The following FNDC3A variants were observed in gnomAD, a reference collection of about 807,000 sequenced individuals.
FNDC3A encodes fibronectin type III domain containing 3A.
Under a neutral mutation model 148.9 loss-of-function variants are expected in FNDC3A, and 32 were observed. The ratio of observed to expected loss-of-function variants is 0.21; its 90% CI spans 0.16 to 0.29. The LOEUF (loss-of-function observed/expected upper bound fraction) is 0.29. FNDC3A is among the 10% of genes least tolerant of loss of function. The pLI, the probability that FNDC3A is intolerant of heterozygous loss-of-function variation, is 1.00. For synonymous variants in FNDC3A, 472 were observed against 473.6 expected (o/e 1.00, Z 0.04); for missense variants, 1,191 against 1,452.8 (o/e 0.82, Z 2.93).
At chr13:49,178,411 G>C (rs1023035800) in intron 13 of FNDC3A, among the ~76,000 whole-genome samples, 157 bp from the exon 14 acceptor site, 12 of 152,188 alleles carry the variant, frequency 7.9e-5, no homozygotes, top group Admixed American at 6.5e-4. Flanking sequence ...ACCCACTGAA[G>C]ACAGAAGCAT....
At chr13:49,069,383 A>T (rs970228686) in intron 2 of FNDC3A, among the ~76,000 whole-genome samples, 3 of 152,080 alleles carry the variant, frequency 2.0e-5, no homozygotes, top group African/African-American at 7.2e-5. Context: ...CCTGGTTCCT[A>T]TCCACTGCTT....
At chr13:49,081,951 G>A (rs1277912496) in intron 3 of FNDC3A, among the ~76,000 whole-genome samples, 1 of 145,356 alleles carries the variant, frequency 6.9e-6, no homozygotes, top group Non-Finnish European at 1.5e-5. Context: ...TTTCTTTTGA[G>A]CCTGTTAAAT....
chr13:49,178,594 TGGA>T lies in FNDC3A; in HGVS notation c.1559_1561del (p.Gly520del). ...GATATGGTTTTAAGCCTAAATATGA[TGGA>T]GAAGATCTTGCTTACACAGTGAAAA... On this transcript the variant is annotated inframe_deletion, in exon 14 of 26. Coordinates refer to ENST00000492622, the MANE Select transcript of FNDC3A (RefSeq NM_001079673.2). 1 of 1,594,772 alleles carries T rather than the reference TGGA, an allele frequency of 6.3e-7. No homozygotes were observed. The highest frequency in any genetic ancestry group is 8.5e-7 in the Non-Finnish European group (1 of 1,171,210).
chr13:49,189,197 G>A (rs1221611216), intron 17 of FNDC3A, among the ~76,000 whole-genome samples: 1 of 147,050 alleles, frequency 6.8e-6, no homozygotes. Flanking sequence ...GTCTCACTCT[G>A]TCGCCCAGGC....
chr13:49,063,717 G>A (rs2137749102), intron 2 of FNDC3A, among the ~76,000 whole-genome samples: 1 of 152,294 alleles, frequency 6.6e-6, no homozygotes, highest in African/African-American at 2.4e-5. Context: ...TGCATAGGGT[G>A]TGACTGAAGT....
intron 5 of FNDC3A, among the ~76,000 whole-genome samples, chr13:49,131,675 C>T (rs1882044836): frequency 6.6e-6 from 1 of 152,274 alleles, no homozygotes; most frequent in East Asian, 1.9e-4. Flanking sequence ...AGAAAATTTT[C>T]AGCCAGGAAT....
chr13:49,042,685 G>T (rs1459640535), intron 2 of FNDC3A, among the ~76,000 whole-genome samples: 1 of 152,166 alleles, frequency 6.6e-6, no homozygotes, highest in African/African-American at 2.4e-5. Context: ...GCTGAGGTGG[G>T]AGGATTGCTT....
Position 49,175,417 on chromosome 13 carries a change from T to C in FNDC3A, c.1406T>C (p.Met469Thr), listed in dbSNP as rs753641903. 1.4e-5 allele frequency: 22 copies of C among 1,612,558 alleles called. No homozygotes were observed. The Middle Eastern group carries it at 6.6e-4, about 48-fold the overall frequency. The change falls in exon 13 of 26, where the codon ATG (methionine) becomes ACG (threonine). Residue 469 changes from methionine (M) to threonine (T), a missense_variant. By Grantham distance (81) the Met-to-Thr change is moderately conservative (BLOSUM62 -1). This residue lies in a region of FNDC3A where 751 missense variants were observed against 944.0 expected (regional missense o/e 0.80). Coordinates refer to ENST00000492622, the MANE Select transcript of FNDC3A (RefSeq NM_001079673.2). Reference protein sequence around the residue: ...LYYTSGCAPSMPASPVLTKAG... With the variant: ...LYYTSGCAPSTPASPVLTKAG... ...TACACCTCAGGCTGTGCTCCTTCTATGCCAGCAAGTCCTGTATTAACCAAG... is the reference window on the plus strand; with the variant it reads ...TACACCTCAGGCTGTGCTCCTTCTACGCCAGCAAGTCCTGTATTAACCAAG...
chr13:49,130,928 G>T lies in FNDC3A; in HGVS notation c.253-209G>T, dbSNP rs1881991446. ...TTACAGGCATGGGCCACCATGCCCAGCTAATTTTTGTATTTTTAGTAGAGA... is the reference window on the plus strand; with the variant it reads ...TTACAGGCATGGGCCACCATGCCCATCTAATTTTTGTATTTTTAGTAGAGA... On this transcript the variant is annotated intron_variant, in intron 4 of 25. Transcript: ENST00000492622. Among the ~76,000 whole-genome samples the T allele has an allele frequency of 2.0e-5, 3 of 151,988 alleles. 1 individual carries two copies. The highest frequency in any genetic ancestry group is 4.4e-5 in the Non-Finnish European group (3 of 67,968).
At chr13:49,020,651 A>T (rs1224247639) in intron 2 of FNDC3A, among the ~76,000 whole-genome samples, 1 of 152,246 alleles carries the variant, frequency 6.6e-6, no homozygotes, top group Non-Finnish European at 1.5e-5. Flanking sequence ...CACATGGCCA[A>T]ACTTGCCATC....
chr13:49,027,573 G>C (rs73184655), intron 2 of FNDC3A, among the ~76,000 whole-genome samples: 80 of 152,276 alleles, frequency 5.3e-4, no homozygotes, highest in Non-Finnish European at 1.1e-3. Flanking sequence ...ACAGAGGATA[G>C]GAGAGGGAAC....
chr13:49,158,794 G>T (rs1214187178), intron 8 of FNDC3A, among the ~76,000 whole-genome samples: 2 of 152,166 alleles, frequency 1.3e-5, no homozygotes, highest in African/African-American at 2.4e-5. Context: ...ATTAATTTTT[G>T]TATAAGGTGT....
At chr13:49,163,663 G>A (rs1355823543) in intron 8 of FNDC3A, among the ~76,000 whole-genome samples, 1 of 152,192 alleles carries the variant, frequency 6.6e-6, no homozygotes, top group East Asian at 1.9e-4. Context: ...GTCCCAGTGA[G>A]ATGAACCTGG....
At chr13:49,075,458 C>A in intron 3 of FNDC3A, 94 bp downstream of exon 3, 1 of 673,186 alleles carries the variant, frequency 1.5e-6, no homozygotes, top group Admixed American at 2.5e-5. Context: ...TTTCTTCCTT[C>A]TTTCTCACTA....
At chr13:49,019,884 TG>T (rs1429720968) in intron 2 of FNDC3A, among the ~76,000 whole-genome samples, 4 of 152,238 alleles carry the variant, frequency 2.6e-5, no homozygotes, top group Admixed American at 1.3e-4. Context: ...GTTAAATTTG[TG>T]TTTGTTTAAA....
intron 2 of FNDC3A, among the ~76,000 whole-genome samples, chr13:49,050,862 T>C (rs1406737368): frequency 6.6e-6 from 1 of 152,228 alleles, no homozygotes; most frequent in Non-Finnish European, 1.5e-5. Flanking sequence ...TGTGATGTTT[T>C]CCTTTTGGAG....
chr13:49,181,059 C>G (rs1376245909), intron 14 of FNDC3A, among the ~76,000 whole-genome samples: 1 of 152,168 alleles, frequency 6.6e-6, no homozygotes, highest in Non-Finnish European at 1.5e-5. Flanking sequence ...CCAGCCTAGG[C>G]AGCAGAGCAA....
At chr13:49,198,309 A>C in intron 22 of FNDC3A, 44 bp downstream of exon 22, 1 of 1,611,410 alleles carries the variant, frequency 6.2e-7, no homozygotes, top group Non-Finnish European at 8.5e-7. Flanking sequence ...GACCAGAGAG[A>C]CGCTTTAAAT....
chr13:49,012,564 GCA>G (rs1034269739), intron 2 of FNDC3A, among the ~76,000 whole-genome samples: 2 of 151,554 alleles, frequency 1.3e-5, no homozygotes, highest in African/African-American at 4.8e-5. Flanking sequence ...ACACACACAT[GCA>G]CACACACACA....
Sources: allele counts gnomAD v4.1 joint callset (sites outside exome capture counted in the v4.1 genomes callset), GRCh38; gene constraint gnomAD v4.1.1; regional missense constraint gnomAD v4.1.1; transcripts MANE v1.5; gene names NCBI Gene and HGNC (gene_info 2026-07-23, HGNC 2026-07-21).